HLA-DRA: variants seen among roughly 807,000 people sequenced by gnomAD.
HLA-DRA encodes the protein major histocompatibility complex, class II, DR alpha, also known as HLA class II histocompatibility antigen, DR alpha chain.
A neutral mutation model predicts 22.1 loss-of-function variants in HLA-DRA; 8 were observed. The observed-to-expected ratio is 0.36, with a 90% CI of 0.21 to 0.65. The LOEUF (loss-of-function observed/expected upper bound fraction) is 0.65, where lower values mean the gene tolerates loss of function less well. Among genes scored for constraint, HLA-DRA ranks in the 30% least tolerant of loss-of-function variants. HLA-DRA has a pLI of 0.63. For synonymous variants in HLA-DRA, 101 were observed against 117.1 expected (o/e 0.86, Z 0.89); for missense variants, 248 against 321.3 (o/e 0.77, Z 1.74).
chr6:32,443,914 A>C lies in HLA-DRA; in HGVS notation c.*4A>C. On this transcript the variant is annotated 3_prime_UTR_variant, in exon 4 of 5. Coordinates refer to ENST00000395388, the MANE Select transcript of HLA-DRA (RefSeq NM_019111.5). ...AGAACGCAGGGGGCCTCTGTAAGGCACATGGAGGTGAGTTAGGTGTGGTCA... is the reference window on the plus strand; with the variant it reads ...AGAACGCAGGGGGCCTCTGTAAGGCCCATGGAGGTGAGTTAGGTGTGGTCA... 6.3e-7 allele frequency: 1 copy of C among 1,586,588 alleles called. No homozygotes were observed. Among genetic ancestry groups the C allele is most frequent in the Non-Finnish European group, 8.6e-7 (1 of 1,167,742 alleles).
rs549063239 is a variant in HLA-DRA, at chr6:32,439,937, C to T, written c.-14C>T. The T allele has an allele frequency of 1.1e-5, 17 of 1,612,500 alleles. No homozygotes were observed. Among genetic ancestry groups the T allele is most frequent in the Admixed American group, 3.3e-5 (2 of 59,994 alleles). ...CGAGCTCTACTGACTCCCAACAGAGCGCCCAAGAAGAAAATGGCCATAAGT... is the reference window on the plus strand; with the variant it reads ...CGAGCTCTACTGACTCCCAACAGAGTGCCCAAGAAGAAAATGGCCATAAGT... On this transcript the variant is annotated 5_prime_UTR_variant, in exon 1 of 5. Transcript: ENST00000395388.
rs754340783 is a variant in HLA-DRA at position 32,442,500 on chromosome 6, C to A, written c.135C>A (p.Gly45=). 6.2e-7 allele frequency: 1 copy of A among 1,612,974 alleles called. No homozygotes were observed. The highest frequency in any genetic ancestry group is 8.5e-7 in the Non-Finnish European group (1 of 1,179,980). The change falls in exon 2 of 5, where the codon GGC becomes GGA. Residue 45 remains glycine, a synonymous_variant. Coordinates refer to ENST00000395388, the MANE Select transcript of HLA-DRA (RefSeq NM_019111.5). ...AEFYLNPDQS[G]EFMFDFDGDE... ...TCTATCTGAATCCTGACCAATCAGG[C>A]GAGTTTATGTTTGACTTTGATGGTG... is the stretch of plus-strand genomic sequence containing the variant.
chr6:32,442,387 A>G, intron 1 of HLA-DRA, 61 bp from the exon 2 acceptor site: 1 of 1,592,140 alleles, frequency 6.3e-7, no homozygotes. Flanking sequence ...TATGTAGGTT[A>G]TTCATTTCCC....
At position 32,443,902 on chromosome 6, in the gene HLA-DRA, C is replaced by G; in HGVS notation, c.757C>G (p.Pro253Ala). The part of the protein sequence containing the change: ...RKSNAAERRG[P>A]L ...AAGCAATGCAGCAGAACGCAGGGGGCCTCTGTAAGGCACATGGAGGTGAGT... is the reference window on the plus strand; with the variant it reads ...AAGCAATGCAGCAGAACGCAGGGGGGCTCTGTAAGGCACATGGAGGTGAGT... Residue 253 changes from proline to alanine, a missense_variant, in exon 4 of 5, where the codon CCT becomes GCT. Coordinates refer to ENST00000395388, the MANE Select transcript of HLA-DRA (RefSeq NM_019111.5). 6.3e-7 allele frequency: 1 copy of G among 1,597,590 alleles called. No homozygotes were observed. The highest frequency in any genetic ancestry group is 8.5e-7 in the Non-Finnish European group (1 of 1,172,830).
chr6:32,441,907 T>TA (rs1340132079), intron 1 of HLA-DRA, among the ~76,000 whole-genome samples: 1 of 152,176 alleles, frequency 6.6e-6, no homozygotes, highest in African/African-American at 2.4e-5. Flanking sequence ...TATACATAAA[T>TA]AGGTAGAATA....
chr6:32,442,715 T>C (rs548108131), intron 2 of HLA-DRA, 22 bp downstream of exon 2: 263 of 1,611,138 alleles, frequency 1.6e-4, no homozygotes, highest in Middle Eastern at 1.5e-3. Context: ...TCTGCTGCAC[T>C]CCTGGACATG....
intron 1 of HLA-DRA, among the ~76,000 whole-genome samples, chr6:32,441,244 G>A (rs1053408750): frequency 7.2e-5 from 11 of 152,206 alleles, no homozygotes; most frequent in Non-Finnish European, 1.2e-4. Flanking sequence ...TGTAGTCCCA[G>A]CTACTCGGGA....
chr6:32,441,037 G>T (rs1762582642), intron 1 of HLA-DRA, among the ~76,000 whole-genome samples: 1 of 152,216 alleles, frequency 6.6e-6, no homozygotes, highest in Non-Finnish European at 1.5e-5. Context: ...AAATTCCTAG[G>T]TTTATCAATA....
Position 32,443,746 on chromosome 6 carries a change from T to A in HLA-DRA, c.611-10T>A, listed in dbSNP as rs2239804. The A allele has an allele frequency of 2.6e-6, 4 of 1,568,630 alleles. No individual in the cohort carries two copies. Among genetic ancestry groups the A allele is most frequent in the Non-Finnish European group, 3.4e-6 (4 of 1,159,988 alleles). ...CTCATTACCATGTACTCTGCCTTAT[T>A]TCCCCCCAGAGTTTGATGCTCCAAG... On this transcript the variant is annotated splice_polypyrimidine_tract_variant and intron_variant, in intron 3 of 4. Coordinates refer to ENST00000395388, the MANE Select transcript of HLA-DRA (RefSeq NM_019111.5).
At position 32,443,748 on chromosome 6, in the gene HLA-DRA, C is replaced by A; in HGVS notation, c.611-8C>A. 1.9e-6 allele frequency: 3 copies of A among 1,572,184 alleles called. No individual in the cohort carries two copies. Among genetic ancestry groups the A allele is most frequent in the East Asian group, 2.2e-5 (1 of 44,480 alleles). On this transcript the variant is annotated splice_polypyrimidine_tract_variant and splice_region_variant and intron_variant, in intron 3 of 4. Coordinates refer to ENST00000395388, the MANE Select transcript of HLA-DRA (RefSeq NM_019111.5). ...CATTACCATGTACTCTGCCTTATTT[C>A]CCCCCAGAGTTTGATGCTCCAAGCC...
At chr6:32,442,939 G>A (rs9268658) in intron 2 of HLA-DRA, among the ~76,000 whole-genome samples, 74,245 of 151,902 alleles carry the variant, frequency 0.49, 18,797 homozygotes, top group East Asian at 0.66. Flanking sequence ...AGTTCATGCT[G>A]GGGGAGCCAG....
chr6:32,442,377 T>A, intron 1 of HLA-DRA, 71 bp from the exon 2 acceptor site: 6 of 1,545,336 alleles, frequency 3.9e-6, no homozygotes, highest in African/African-American at 1.4e-5. Flanking sequence ...TGCCTACATG[T>A]ATGTAGGTTA....
At position 32,439,912 on chromosome 6, in the gene HLA-DRA, C is replaced by T. The variant is rs769278344; in HGVS notation, c.-39C>T. Reference sequence around the variant, plus strand: ...ATTCTTGTCTGTTCTGCCTCACTCCCGAGCTCTACTGACTCCCAACAGAGC... The same window carrying T: ...ATTCTTGTCTGTTCTGCCTCACTCCTGAGCTCTACTGACTCCCAACAGAGC... On this transcript the variant is annotated 5_prime_UTR_variant, in exon 1 of 5. Coordinates refer to ENST00000395388, the MANE Select transcript of HLA-DRA (RefSeq NM_019111.5). 6 of 1,526,724 alleles carry T rather than the reference C, an allele frequency of 3.9e-6. No individual in the cohort carries two copies. In the Admixed American group the frequency reaches 1.0e-4, roughly 26 times the overall value. The allele number at this position is 1,526,724 out of a possible 1,614,324, so 94.6% of individuals were successfully genotyped here.
At chr6:32,442,831 C>A in intron 2 of HLA-DRA, 138 bp downstream of exon 2, 2 of 1,039,706 alleles carry the variant, frequency 1.9e-6, no homozygotes, top group Non-Finnish European at 2.8e-6. Flanking sequence ...CCCAAATTCT[C>A]ATGCCAGAGG....
chr6:32,443,170 T>C lies in HLA-DRA; in HGVS notation c.329-15T>C. On this transcript the variant is annotated splice_polypyrimidine_tract_variant and intron_variant, in intron 2 of 4. Transcript: ENST00000395388. ...TGATGGCTGATTTCTGTCATGTCTG[T>C]CATGTGTCCCCCAGTACCTCCAGAG... 2.6e-5 allele frequency: 42 copies of C among 1,608,590 alleles called. No individual in the cohort carries two copies. The highest frequency in any genetic ancestry group is 3.6e-5 in the Non-Finnish European group (42 of 1,176,210).
chr6:32,440,305 G>A (rs1463213760), intron 1 of HLA-DRA, among the ~76,000 whole-genome samples: 1 of 123,316 alleles, frequency 8.1e-6, no homozygotes, highest in African/African-American at 3.0e-5. Flanking sequence ...GGGGGTGGGG[G>A]TGGGGGAGGA....
chr6:32,443,187 C>A lies in HLA-DRA; in HGVS notation c.331C>A (p.Pro111Thr). 6.2e-7 allele frequency: 1 copy of A among 1,611,336 alleles called. No homozygotes were observed. Among genetic ancestry groups the A allele is most frequent in the South Asian group, 1.1e-5 (1 of 91,020 alleles). Residue 111 changes from proline to threonine, a missense_variant and splice_region_variant, in exon 3 of 5, where the codon CCT (proline) becomes ACT (threonine). Coordinates refer to ENST00000395388, the MANE Select transcript of HLA-DRA (RefSeq NM_019111.5). ...CATGTCTGTCATGTGTCCCCCAGTA[C>A]CTCCAGAGGTAACTGTGCTCACAAA... ...RSNYTPITNV[P>T]PEVTVLTNSP... is the part of the protein sequence containing the mutation.
chr6:32,443,850 C>T lies in HLA-DRA; in HGVS notation c.705C>T (p.Thr235=). 6.2e-7 allele frequency: 1 copy of T among 1,610,988 alleles called. No homozygotes were observed. Among genetic ancestry groups the T allele is most frequent in the African/African-American group, 1.3e-5 (1 of 74,812 alleles). ...TVGLVGIIIG[T]IFIIKGLRKS... is the part of the protein sequence containing the mutation. ...GTCTGGTGGGCATCATTATTGGGACCATCTTCATCATCAAGGGATTGCGCA... is the reference window on the plus strand; with the variant it reads ...GTCTGGTGGGCATCATTATTGGGACTATCTTCATCATCAAGGGATTGCGCA... The change falls in exon 4 of 5, where the codon ACC becomes ACT. Residue 235 remains threonine (T), a synonymous_variant. Transcript: ENST00000395388.
At position 32,442,471 on chromosome 6, in the gene HLA-DRA, G is replaced by A; in HGVS notation, c.106G>A (p.Glu36Lys). The A allele has an allele frequency of 6.2e-7, 1 of 1,612,956 alleles. No homozygotes were observed. The highest frequency in any genetic ancestry group is 8.5e-7 in the Non-Finnish European group (1 of 1,180,016). The change falls in exon 2 of 5, where the codon GAG becomes AAG. Residue 36 changes from glutamate to lysine, a missense_variant. Transcript: ENST00000395388. ...IKEEHVIIQA[E>K]FYLNPDQSGE... Reference sequence around the variant, plus strand: ...AGAAGAACATGTGATCATCCAGGCCGAGTTCTATCTGAATCCTGACCAATC... The same window carrying A: ...AGAAGAACATGTGATCATCCAGGCCAAGTTCTATCTGAATCCTGACCAATC...
Sources: allele counts gnomAD v4.1 joint callset (sites outside exome capture counted in the v4.1 genomes callset), GRCh38; gene constraint gnomAD v4.1.1; transcripts MANE v1.5; gene names NCBI Gene and HGNC (gene_info 2026-07-23, HGNC 2026-07-21).